Variants in GORASP2 observed in about 807,000 individuals in gnomAD.
GORASP2 encodes the protein Golgi reassembly-stacking protein 2.
Under a neutral mutation model 45.7 loss-of-function variants are expected in GORASP2, and 22 were observed. That is an observed-to-expected ratio of 0.48 (90% confidence interval 0.34 to 0.69). GORASP2 has a LOEUF of 0.69. Ranked by LOEUF, GORASP2 falls within the 30% of genes least tolerant of loss-of-function variation. GORASP2 has a pLI of 0.01. For missense variants in GORASP2, 491 were observed against 562.7 expected (o/e 0.87, Z 1.29); for synonymous variants, 221 against 215.6 (o/e 1.02, Z -0.22).
At position 170,954,741 on chromosome 2, in the gene GORASP2, G is replaced by C; in HGVS notation, c.658G>C (p.Ala220Pro). 6.2e-7 allele frequency: 1 copy of C among 1,613,652 alleles called. No homozygotes were observed. The highest frequency in any genetic ancestry group is 8.5e-7 in the Non-Finnish European group (1 of 1,179,586). ...GKKISLPGQM[A>P]GTPITPLKDG... ...GAAAATTTCTCTTCCAGGACAAATG[G>C]CTGGTACACCTATTACACCTCTTAA... The change falls in exon 6 of 10, where the codon GCT becomes CCT. Residue 220 changes from alanine (A) to proline (P), a missense_variant. Physicochemically the swap from Ala to Pro is conservative, Grantham distance 27. Around this residue, in one of 2 missense-constraint regions of GORASP2, gnomAD observed 297 missense variants for 292.3 expected, o/e 1.02. Coordinates refer to ENST00000234160, the MANE Select transcript of GORASP2 (RefSeq NM_015530.5).
chr2:170,929,623 G>C (rs901741872), intron 1 of GORASP2: 4 of 592,818 alleles, frequency 6.7e-6, no homozygotes, highest in Admixed American at 2.8e-5. Context: ...GTAGGAGGAC[G>C]GGCTGGAGCT....
At chr2:170,929,911 G>A (rs1051203207) in intron 1 of GORASP2, 1 of 378,340 alleles carries the variant, frequency 2.6e-6, no homozygotes, top group African/African-American at 2.2e-5. Flanking sequence ...AGACCAGCAG[G>A]GCAGGAGACG....
At position 170,929,292 on chromosome 2, in the gene GORASP2, G is replaced by C. The variant is rs1026188362; in HGVS notation, c.-49G>C. ...GGATTAGAGCAGGCGGTGCGCTGGG[G>C]GCGGGAGCAGCGCGGAGCCCGGCTC... is the stretch of plus-strand genomic sequence containing the variant. On this transcript the variant is annotated 5_prime_UTR_variant, in exon 1 of 10. Coordinates refer to ENST00000234160, the MANE Select transcript of GORASP2 (RefSeq NM_015530.5). 10 of 1,307,330 alleles carry C rather than the reference G, an allele frequency of 7.6e-6. No homozygotes were observed. Among genetic ancestry groups the C allele is most frequent in the Non-Finnish European group, 9.8e-6 (10 of 1,020,442 alleles). The allele number at this position is 1,307,330 out of a possible 1,614,324, so 81.0% of individuals were successfully genotyped here. A position where few individuals can be genotyped will look rare whatever the true frequency, so the allele number is the denominator to read the frequency against.
chr2:170,963,432 ACTGCTG>A (rs1186217335), intron 9 of GORASP2, among the ~76,000 whole-genome samples: 4 of 133,826 alleles, frequency 3.0e-5, no homozygotes, highest in South Asian at 5.0e-4. Flanking sequence ...CCCCGCTGCT[ACTGCTG>A]CTGCTGCTGC....
Position 170,966,353 on chromosome 2 carries a change from C to A in GORASP2, c.*223C>A. 1.8e-6 allele frequency: 1 copy of A among 568,982 alleles called. No individual in the cohort carries two copies. The highest frequency in any genetic ancestry group is 2.1e-5 in the South Asian group (1 of 48,112). The allele number at this position is 568,982 out of a possible 1,614,324, so 35.2% of individuals were successfully genotyped here. A position where few individuals can be genotyped will look rare whatever the true frequency, so the allele number is the denominator to read the frequency against. The stretch of plus-strand genomic sequence containing the variant: ...CAGAAAGCGCTTGTATTTTAAACAA[C>A]CAAAAAGAATTGTAAGGGTGGCTTG... On this transcript the variant is annotated 3_prime_UTR_variant, in exon 10 of 10. Transcript: ENST00000234160.
chr2:170,959,020 G>A (rs915802815), intron 7 of GORASP2, among the ~76,000 whole-genome samples: 1 of 151,070 alleles, frequency 6.6e-6, no homozygotes, highest in African/African-American at 2.4e-5. Flanking sequence ...GAGTGCAATG[G>A]CGCTATCTCA....
At chr2:170,962,764 T>C (rs944398559) in intron 8 of GORASP2, 75 bp from the exon 9 acceptor site, 5 of 977,816 alleles carry the variant, frequency 5.1e-6, no homozygotes, top group South Asian at 2.7e-5. Flanking sequence ...GCTGGGATTG[T>C]TTTTAATACA....
At chr2:170,963,160 G>T (rs192338275) in intron 9 of GORASP2, among the ~76,000 whole-genome samples, 20 of 152,166 alleles carry the variant, frequency 1.3e-4, no homozygotes, top group Admixed American at 3.3e-4. Context: ...ATCACCTGAG[G>T]TTAGGAGTTC....
chr2:170,949,781 A>G, intron 3 of GORASP2, 39 bp downstream of exon 3: 1 of 1,400,154 alleles, frequency 7.1e-7, no homozygotes, highest in Non-Finnish European at 1.0e-6. Context: ...AGGTTCATGA[A>G]GCAGTGTGGA....
intron 1 of GORASP2, among the ~76,000 whole-genome samples, chr2:170,941,428 CT>C (rs1335763437): frequency 6.6e-6 from 1 of 152,124 alleles, no homozygotes; most frequent in African/African-American, 2.4e-5. Context: ...TCTTTTAAGG[CT>C]TTATATTAAA....
At chr2:170,943,132 T>G (rs1352559246) in intron 1 of GORASP2, among the ~76,000 whole-genome samples, 1 of 152,224 alleles carries the variant, frequency 6.6e-6, no homozygotes, top group African/African-American at 2.4e-5. Context: ...CTTTGCAAAC[T>G]TGAAGGTCTC....
intron 1 of GORASP2, among the ~76,000 whole-genome samples, chr2:170,941,432 A>G (rs1704075074): frequency 6.6e-6 from 1 of 152,200 alleles, no homozygotes; most frequent in Non-Finnish European, 1.5e-5. Flanking sequence ...TTAAGGCTTT[A>G]TATTAAAAGA....
At position 170,940,013 on chromosome 2, in the gene GORASP2, G is replaced by A. The variant is rs571728621; in HGVS notation, c.64-8337G>A. On this transcript the variant is annotated intron_variant, in intron 1 of 9. Coordinates refer to ENST00000234160, the MANE Select transcript of GORASP2 (RefSeq NM_015530.5). Reference sequence around the variant, plus strand: ...GTACAAGAGGGAGAGTGTTAGAAGAGATGATAGTGTAGATAGTCATTCAAT... The same window carrying A: ...GTACAAGAGGGAGAGTGTTAGAAGAAATGATAGTGTAGATAGTCATTCAAT... Among the ~76,000 whole-genome samples, 404 of 152,282 alleles carry A rather than the reference G, an allele frequency of 2.7e-3. 2 individuals are homozygous for A. Among genetic ancestry groups the A allele is most frequent in the African/African-American group, 9.0e-3 (373 of 41,548 alleles).
chr2:170,953,142 A>T (rs1704338868), intron 5 of GORASP2, among the ~76,000 whole-genome samples: 1 of 151,986 alleles, frequency 6.6e-6, no homozygotes, highest in African/African-American at 2.4e-5. Context: ...GATCACTTGA[A>T]CTCAGGAGTT....
chr2:170,938,562 G>C (rs1015760030), intron 1 of GORASP2, among the ~76,000 whole-genome samples: 4 of 152,158 alleles, frequency 2.6e-5, no homozygotes, highest in Non-Finnish European at 1.5e-5. Flanking sequence ...TAATTAAAAT[G>C]GCTGAAAGAG....
rs1257050734 is a variant in GORASP2, at chr2:170,951,363, A to T, written c.471A>T (p.Glu157Asp). 1 of 1,610,364 alleles carries T rather than the reference A, an allele frequency of 6.2e-7. No homozygotes were observed. The highest frequency in any genetic ancestry group is 8.5e-7 in the Non-Finnish European group (1 of 1,178,524). ...EDLFSLIETH[E>D]AKPLKLYVYN... is the part of the protein sequence containing the mutation. ...TATTCAGCCTTATCGAAACACATGAAGCAAAACCATTGAAACTGTATGTGT... is the reference window on the plus strand; with the variant it reads ...TATTCAGCCTTATCGAAACACATGATGCAAAACCATTGAAACTGTATGTGT... The change falls in exon 5 of 10, where the codon GAA becomes GAT. Residue 157 changes from glutamate to aspartate, a missense_variant. Physicochemically the swap from Glu to Asp is conservative, Grantham distance 45 (BLOSUM62 2). Around this residue, in one of 2 missense-constraint regions of GORASP2, gnomAD observed 194 missense variants for 270.4 expected, o/e 0.72. Coordinates refer to ENST00000234160, the MANE Select transcript of GORASP2 (RefSeq NM_015530.5).
intron 1 of GORASP2, among the ~76,000 whole-genome samples, chr2:170,934,255 T>TG (rs1703893155): frequency 6.6e-6 from 1 of 151,832 alleles, no homozygotes; most frequent in African/African-American, 2.4e-5. Context: ...CTGTTTTTTT[T>TG]TTTGTTGTTG....
At chr2:170,956,607 A>G in intron 7 of GORASP2, 48 bp downstream of exon 7, 1 of 1,504,742 alleles carries the variant, frequency 6.6e-7, no homozygotes, top group Non-Finnish European at 9.0e-7. Context: ...ATGTAATATT[A>G]TTGCATAGAA....
chr2:170,946,087 T>C (rs917342328), intron 1 of GORASP2, among the ~76,000 whole-genome samples: 1 of 152,100 alleles, frequency 6.6e-6, no homozygotes, highest in Non-Finnish European at 1.5e-5. Flanking sequence ...CCTGGACTCA[T>C]TGCAGCCTCA....
Sources: allele counts gnomAD v4.1 joint callset (sites outside exome capture counted in the v4.1 genomes callset), GRCh38; gene constraint gnomAD v4.1.1; regional missense constraint gnomAD v4.1.1; transcripts MANE v1.5; gene names NCBI Gene and HGNC (gene_info 2026-07-23, HGNC 2026-07-21).